The following CAMTA1 variants were observed in gnomAD, a reference collection of about 807,000 sequenced individuals.
The protein encoded by CAMTA1 is calmodulin binding transcription activator 1.
CAMTA1 carries 27 observed loss-of-function variants against 170.9 expected under a neutral mutation model. The ratio of observed to expected loss-of-function variants is 0.16; its 90% confidence interval spans 0.12 to 0.22. The LOEUF is 0.22. Ranked by LOEUF, CAMTA1 falls within the 10% of genes least tolerant of loss-of-function variation. The pLI, the probability that CAMTA1 is intolerant of heterozygous loss-of-function variation, is 1.00. For missense variants in CAMTA1, 1,619 were observed against 2,217.2 expected (o/e 0.73, Z 5.42); for synonymous variants, 833 against 891.5 (o/e 0.93, Z 1.17).
intron 3 of CAMTA1, among the ~76,000 whole-genome samples, chr1:6,982,504 C>G (rs980379682): frequency 5.3e-5 from 8 of 151,882 alleles, no homozygotes; most frequent in African/African-American, 1.9e-4. Context: ...CAGCAGGCTC[C>G]TTATGGGGGT....
chr1:7,283,605 A>C (rs980396540), intron 5 of CAMTA1, among the ~76,000 whole-genome samples: 4 of 152,182 alleles, frequency 2.6e-5, no homozygotes, highest in African/African-American at 9.7e-5. Flanking sequence ...CATGATCTTC[A>C]TCTTCAAATA....
chr1:7,421,096 GA>G (rs1465102074), intron 5 of CAMTA1, among the ~76,000 whole-genome samples: 4 of 152,136 alleles, frequency 2.6e-5, no homozygotes, highest in African/African-American at 9.7e-5. Context: ...GCACCCCTTG[GA>G]ATAGCGGCTA....
intron 6 of CAMTA1, among the ~76,000 whole-genome samples, chr1:7,555,632 T>C (rs2094865750): frequency 6.6e-6 from 1 of 152,120 alleles, no homozygotes; most frequent in African/African-American, 2.4e-5. Flanking sequence ...GAAAAGCCCC[T>C]GGCTCCCACG....
intron 3 of CAMTA1, among the ~76,000 whole-genome samples, chr1:7,072,139 C>T (rs776557612): frequency 1.4e-4 from 21 of 152,310 alleles, no homozygotes; most frequent in South Asian, 4.1e-4. Flanking sequence ...CTGAACGACA[C>T]GTGGTTTTAC....
At chr1:7,490,639 C>T (rs892161799) in intron 6 of CAMTA1, among the ~76,000 whole-genome samples, 119 of 136,584 alleles carry the variant, frequency 8.7e-4, no homozygotes, top group African/African-American at 3.3e-3. Flanking sequence ...GTGACGAGAG[C>T]GAAACTCCAT....
chr1:7,375,900 C>A (rs2086809800), intron 5 of CAMTA1, among the ~76,000 whole-genome samples: 1 of 152,174 alleles, frequency 6.6e-6, no homozygotes, highest in Non-Finnish European at 1.5e-5. Context: ...GGGAGAGGTA[C>A]CCTGTAGGAC....
rs1277895995 is a variant in CAMTA1 at position 7,443,436 on chromosome 1, G to A, written c.439-24394G>A. Among the ~76,000 whole-genome samples, 1 of 152,198 alleles carries A rather than the reference G, an allele frequency of 6.6e-6. No homozygotes were observed. The highest frequency in any genetic ancestry group is 1.5e-5 in the Non-Finnish European group (1 of 68,040). ...GATAGCCATGTCAGACGACAGCAGG[G>A]AGAGTGGAAAGTCACCCAGCCCTGG... On this transcript the variant is annotated intron_variant, in intron 5 of 22. Transcript: ENST00000303635. This position sits in a 1 kb window ranked among gnomAD's most constrained non-coding sequence, Gnocchi z 4.1.
rs566012402 is a variant in CAMTA1 at position 7,618,516 on chromosome 1, T to A, written c.511-21884T>A. On this transcript the variant is annotated intron_variant, in intron 6 of 22. Transcript: ENST00000303635. ...CCCCAAAGACTGACTCTGTACTGTT[T>A]ATCGTCTCCCTCGTTTTCAAGGCTT... Among the ~76,000 whole-genome samples, 13 of 152,384 alleles carry A rather than the reference T, an allele frequency of 8.5e-5. No individual in the cohort carries two copies. The South Asian group carries it at 2.1e-3, about 24-fold the overall frequency.
At chr1:7,708,004 T>G (rs1270894335) in intron 11 of CAMTA1, among the ~76,000 whole-genome samples, 1 of 152,208 alleles carries the variant, frequency 6.6e-6, no homozygotes, top group Non-Finnish European at 1.5e-5. Context: ...AGTGACTCAT[T>G]AAAACCATGA....
intron 4 of CAMTA1, among the ~76,000 whole-genome samples, chr1:7,220,976 G>T (rs1047747523): frequency 6.6e-6 from 1 of 152,206 alleles, no homozygotes; most frequent in Admixed American, 6.5e-5. Context: ...CCACCTGGTT[G>T]TCAGTCAGCT....
chr1:7,118,290 C>CTTTTT (rs58318758), intron 4 of CAMTA1, among the ~76,000 whole-genome samples: 1,353 of 112,482 alleles, frequency 0.012, 26 homozygotes, highest in Non-Finnish European at 0.018. Context: ...TCTTGGCATC[C>CTTTTT]TTTTTTTTTT....
In CAMTA1 at chr1:7,014,705, G is replaced by A. The variant is rs1326648247; in HGVS notation, c.235-76599G>A. Among the ~76,000 whole-genome samples the A allele has an allele frequency of 1.3e-5, 2 of 152,156 alleles. No homozygotes were observed. The highest frequency in any genetic ancestry group is 1.5e-5 in the Non-Finnish European group (1 of 68,048). Reference sequence around the variant, plus strand: ...GGAAGCCTCTCCTCTCGGGTATCATGACCAGGCTCCTCGTAAGAGGTGGGA... The same window carrying A: ...GGAAGCCTCTCCTCTCGGGTATCATAACCAGGCTCCTCGTAAGAGGTGGGA... On this transcript the variant is annotated intron_variant, in intron 3 of 22. Transcript: ENST00000303635. This position sits in a 1 kb window ranked among gnomAD's most constrained non-coding sequence, Gnocchi z 4.2.
chr1:6,852,117 CA>C (rs1202056960), intron 3 of CAMTA1, among the ~76,000 whole-genome samples: 1 of 151,734 alleles, frequency 6.6e-6, no homozygotes, highest in African/African-American at 2.4e-5. Flanking sequence ...GCATCCTTCT[CA>C]GAAGGCAATG....
Position 7,323,507 on chromosome 1 carries a change from C to CTTT in CAMTA1, c.438+73904_438+73906dup, listed in dbSNP as rs56382342. On this transcript the variant is annotated intron_variant, in intron 5 of 22. Coordinates refer to ENST00000303635, the MANE Select transcript of CAMTA1 (RefSeq NM_015215.4). ...GGATGATTCTATTTCCTTTATTCTT[C>CTTT]TTTTTTTTTTTTTTTTTTTTTTTTT... Among the ~76,000 whole-genome samples the CTTT allele has an allele frequency of 2.0e-3, 213 of 108,998 alleles. 1 individual carries two copies. Among genetic ancestry groups the CTTT allele is most frequent in the Non-Finnish European group, 2.8e-3 (158 of 57,144 alleles). The allele number at this position is 108,998 out of a possible 152,430, so 71.5% of individuals were successfully genotyped here. A position where few individuals can be genotyped will look rare whatever the true frequency, so the allele number is the denominator to read the frequency against.
rs201923727 is a variant in CAMTA1, at chr1:7,666,919, ACT to A, written c.2652+1723_2652+1724del. 5.5e-3 allele frequency among the ~76,000 whole-genome samples: 837 copies of A among 151,242 alleles called. 11 individuals are homozygous for A. Among genetic ancestry groups the A allele is most frequent in the South Asian group, 0.013 (61 of 4,790 alleles). ...TGTTTTGTTTTTGAGAAGGAATTTC[ACT>A]CTTTTTGCCCAGGCTGGAGTGCAAT... On this transcript the variant is annotated intron_variant, in intron 9 of 22. Transcript: ENST00000303635.
At chr1:6,906,699 T>G (rs1678569585) in intron 3 of CAMTA1, among the ~76,000 whole-genome samples, 1 of 152,200 alleles carries the variant, frequency 6.6e-6, no homozygotes, top group Non-Finnish European at 1.5e-5. Context: ...CCTTCCCCAC[T>G]CTGGCTGTTG....
At chr1:7,632,338 G>A (rs554660494) in intron 6 of CAMTA1, among the ~76,000 whole-genome samples, 81 of 152,294 alleles carry the variant, frequency 5.3e-4, no homozygotes, top group Admixed American at 1.1e-3. Context: ...GGAGGTGTGT[G>A]GCACTATTAC....
At chr1:6,862,937 A>G (rs879805316) in intron 3 of CAMTA1, among the ~76,000 whole-genome samples, 7 of 152,310 alleles carry the variant, frequency 4.6e-5, no homozygotes, top group Non-Finnish European at 8.8e-5. Flanking sequence ...TTTCTTCGGG[A>G]AAAAAGGTGA....
intron 3 of CAMTA1, among the ~76,000 whole-genome samples, chr1:7,042,401 G>T (rs1255236543): frequency 1.3e-5 from 2 of 152,068 alleles, no homozygotes; most frequent in Admixed American, 6.6e-5. Flanking sequence ...GATTCCAGTG[G>T]GGGGAAAGGA....
Sources: gnomAD v4.1 joint callset for allele counts (sites outside exome capture counted in the v4.1 genomes callset) on GRCh38, gnomAD v4.1.1 for gene constraint, Gnocchi (gnomAD v3.1) non-coding constraint, MANE v1.5 for transcripts, NCBI Gene and HGNC (gene_info 2026-07-23, HGNC 2026-07-21) for gene names.